Variants in PLCG2 observed in about 807,000 individuals in gnomAD.
The protein encoded by PLCG2 is 1-phosphatidylinositol 4,5-bisphosphate phosphodiesterase gamma-2.
Under a neutral mutation model 175.6 loss-of-function variants are expected in PLCG2, and 69 were observed. The observed-to-expected ratio is 0.39, with a 90% CI of 0.32 to 0.48. PLCG2 has a LOEUF of 0.48. PLCG2 is among the 20% of genes least tolerant of loss of function. The pLI, the probability that PLCG2 is intolerant of heterozygous loss-of-function variation, is 0.91. For synonymous variants in PLCG2, 827 were observed against 624.0 expected, an observed-to-expected ratio of 1.33 and a Z score of -4.85; for missense variants, 1,798 against 1,650.9, an observed-to-expected ratio of 1.09 and a Z score of -1.54.
chr16:81,832,643 A>G (rs1365788792), intron 2 of PLCG2, among the ~76,000 whole-genome samples: 1 of 152,218 alleles, frequency 6.6e-6, no homozygotes, highest in Non-Finnish European at 1.5e-5. Context: ...AGCTGAAGCC[A>G]TTCTCCTGCC....
At chr16:81,896,598 A>G (rs1026093406) in intron 13 of PLCG2, among the ~76,000 whole-genome samples, 4 of 152,028 alleles carry the variant, frequency 2.6e-5, no homozygotes, top group Non-Finnish European at 5.9e-5. Flanking sequence ...AACCCAAAAA[A>G]ACAAAAACCA....
rs556024432 is a variant in PLCG2, at chr16:81,848,920, G to T, written c.194-5524G>T. ...GGCATTGGGAGGTTTTCTGAGTTTG[G>T]TTTGATTGAGCTGAGACTGGAAGGG... On this transcript the variant is annotated intron_variant, in intron 2 of 32. Transcript: ENST00000564138. 2.6e-5 allele frequency among the ~76,000 whole-genome samples: 4 copies of T among 152,298 alleles called. No individual in the cohort carries two copies. In the East Asian group the frequency reaches 7.7e-4, roughly 29 times the overall value.
At chr16:81,794,174 A>C (rs1438147689) in intron 2 of PLCG2, among the ~76,000 whole-genome samples, 1 of 152,166 alleles carries the variant, frequency 6.6e-6, no homozygotes, top group African/African-American at 2.4e-5. Flanking sequence ...AAAAGACCAC[A>C]AACACAGCCT....
chr16:81,957,824 C>A, intron 32 of PLCG2, 132 bp from the exon 33 acceptor site: 1 of 742,546 alleles, frequency 1.3e-6, no homozygotes, highest in Non-Finnish European at 2.3e-6. Context: ...GAGTCTGCCT[C>A]TCTGACACTC....
At chr16:81,936,904 A>G (rs1244626648) in intron 27 of PLCG2, among the ~76,000 whole-genome samples, 6 of 152,330 alleles carry the variant, frequency 3.9e-5, no homozygotes, top group Admixed American at 3.3e-4. Context: ...CGGATTCCAC[A>G]GAATGGAACA....
chr16:81,910,884 C>T (rs937229149), intron 18 of PLCG2, among the ~76,000 whole-genome samples, 164 bp downstream of exon 18: 1 of 152,240 alleles, frequency 6.6e-6, no homozygotes, highest in Non-Finnish European at 1.5e-5. Flanking sequence ...AAATTCCTGG[C>T]ACCATGACCT....
chr16:81,869,277 G>T lies in PLCG2; in HGVS notation c.543G>T (p.Lys181Asn). 6.2e-7 allele frequency: 1 copy of T among 1,613,164 alleles called. No individual in the cohort carries two copies. Among genetic ancestry groups the T allele is most frequent in the Non-Finnish European group, 8.5e-7 (1 of 1,179,080 alleles). The change falls in exon 6 of 33, where the codon AAG (lysine) becomes AAT (asparagine). Residue 181 changes from lysine to asparagine, a missense_variant. By Grantham distance (94) the Lys-to-Asn change is moderately conservative (BLOSUM62 0). Coordinates refer to ENST00000564138, the MANE Select transcript of PLCG2 (RefSeq NM_002661.5). ...PLINFKVSSA[K>N]FLKDKFVEIG... ...TCAACTTTAAAGTGAGCAGTGCCAAGTTCCTTAAAGATAAGTTTGTGGTAA... is the reference window on the plus strand; with the variant it reads ...TCAACTTTAAAGTGAGCAGTGCCAATTTCCTTAAAGATAAGTTTGTGGTAA...
intron 2 of PLCG2, among the ~76,000 whole-genome samples, chr16:81,759,534 C>T (rs1909995235): frequency 6.6e-6 from 1 of 152,194 alleles, no homozygotes; most frequent in African/African-American, 2.4e-5. Context: ...AATAGATCTA[C>T]TGCAAAGCCT....
At chr16:81,851,319 A>G (rs770423848) in intron 2 of PLCG2, among the ~76,000 whole-genome samples, 7 of 152,222 alleles carry the variant, frequency 4.6e-5, no homozygotes, top group Non-Finnish European at 7.3e-5. Context: ...GTGCAGTGCT[A>G]TTAATGAAAC....
At chr16:81,942,259 G>T (rs771023010) in intron 30 of PLCG2, among the ~76,000 whole-genome samples, 1 of 152,116 alleles carries the variant, frequency 6.6e-6, no homozygotes, top group African/African-American at 2.4e-5. Flanking sequence ...ATAAAACCTC[G>T]TTACCTTAAT....
chr16:81,831,306 C>T (rs1487120948), intron 2 of PLCG2, among the ~76,000 whole-genome samples: 2 of 152,158 alleles, frequency 1.3e-5, no homozygotes, highest in Non-Finnish European at 2.9e-5. Flanking sequence ...GTGCCTGGCA[C>T]GCTGGCTTTT....
upstream of PLCG2, among the ~76,000 whole-genome samples, chr16:81,775,974 C>T (rs1910390037): frequency 6.6e-6 from 1 of 151,864 alleles, no homozygotes; most frequent in African/African-American, 2.4e-5. Flanking sequence ...TCAAATCCAG[C>T]CCCCACCACC....
upstream of PLCG2, among the ~76,000 whole-genome samples, chr16:81,778,526 G>A (rs971274235): frequency 1.3e-5 from 2 of 152,146 alleles, no homozygotes; most frequent in Non-Finnish European, 1.5e-5. Flanking sequence ...TGCAACACAC[G>A]AACGGAAAAA....
intron 13 of PLCG2, 144 bp downstream of exon 13, chr16:81,896,071 G>A: frequency 9.6e-7 from 1 of 1,038,546 alleles, no homozygotes; most frequent in South Asian, 1.4e-5. Context: ...CAAAGCCACT[G>A]CCATCAAGTT....
chr16:81,878,681 T>A (rs1597369310), intron 7 of PLCG2, among the ~76,000 whole-genome samples: 2 of 152,296 alleles, frequency 1.3e-5, no homozygotes, highest in Admixed American at 1.3e-4. Context: ...CACCTCCATG[T>A]GTTGCGAATC....
chr16:81,795,407 GC>G (rs1242519924), intron 2 of PLCG2, among the ~76,000 whole-genome samples: 1 of 152,174 alleles, frequency 6.6e-6, no homozygotes, highest in Non-Finnish European at 1.5e-5. Flanking sequence ...ATAGGGCATA[GC>G]AACAAAGCTT....
chr16:81,786,288 T>A, intron 2 of PLCG2, 106 bp downstream of exon 2: 2 of 910,592 alleles, frequency 2.2e-6, no homozygotes, highest in Non-Finnish European at 3.3e-6. Context: ...GTTGGTTTGA[T>A]GTGTTCTTTT....
chr16:81,749,833 G>T (rs1281125105), intron 1 of PLCG2, among the ~76,000 whole-genome samples: 1 of 152,172 alleles, frequency 6.6e-6, no homozygotes, highest in African/African-American at 2.4e-5. Context: ...CATGTCCAAA[G>T]ATGCATTGCT....
intron 10 of PLCG2, 147 bp downstream of exon 10, chr16:81,889,420 T>C (rs1908528688): frequency 1.7e-6 from 1 of 577,390 alleles, no homozygotes; most frequent in African/African-American, 1.9e-5. Context: ...ATTGTTTCTT[T>C]TCTTTTCTTT....
Sources: gnomAD v4.1 joint callset for allele counts (sites outside exome capture counted in the v4.1 genomes callset) on GRCh38, gnomAD v4.1.1 for gene constraint, MANE v1.5 for transcripts, NCBI Gene and HGNC (gene_info 2026-07-23, HGNC 2026-07-21) for gene names.